The following RBBP5 variants were observed in gnomAD, a reference collection of about 807,000 sequenced individuals.
RBBP5 encodes retinoblastoma-binding protein 5.
In RBBP5, 5 loss-of-function variants were observed where a neutral mutation model predicts 72.2. The observed-to-expected ratio is 0.07, with a 90% CI of 0.04 to 0.15. The LOEUF is 0.15. RBBP5 is among the 10% of genes least tolerant of loss of function. The probability of loss-of-function intolerance (pLI) is 1.00; values close to 1 mark genes in which losing one functional copy is unlikely to be tolerated. For missense variants in RBBP5, 322 were observed against 652.2 expected (o/e 0.49, Z 5.51); for synonymous variants, 209 against 237.2 (o/e 0.88, Z 1.09).
At chr1:205,108,827 A>G (rs145310365) in intron 3 of RBBP5, among the ~76,000 whole-genome samples, 6 of 152,320 alleles carry the variant, frequency 3.9e-5, no homozygotes, top group Non-Finnish European at 7.4e-5. Flanking sequence ...TTCCTCATCT[A>G]TAACACAGGA....
chr1:205,120,420 G>C (rs1656692126), intron 1 of RBBP5, among the ~76,000 whole-genome samples: 1 of 152,186 alleles, frequency 6.6e-6, no homozygotes, highest in African/African-American at 2.4e-5. Flanking sequence ...ACCTGGCCAA[G>C]CAGGAAAATT....
At chr1:205,093,474 AAAAAAATATATATATATATATATAT>A (rs1655445558) in intron 13 of RBBP5, among the ~76,000 whole-genome samples, 1 of 8,578 alleles carries the variant, frequency 1.2e-4, no homozygotes, top group East Asian at 5.6e-3. Flanking sequence ...AAAAAAAAAA[AAAAAAATATATATATATATATATAT>A]ATATATATAT....
Position 205,100,063 on chromosome 1 carries a change from T to C in RBBP5, c.754A>G (p.Thr252Ala), listed in dbSNP as rs201601537. The part of the protein sequence containing the change: ...MQKLQDLVNR[T>A]PWKKCCFSGD... Reference sequence around the variant, plus strand: ...GAGAAACAACATTTCTTCCATGGGGTCCTAAAGGACAAGGAAAGTACCAAG... The same window carrying C: ...GAGAAACAACATTTCTTCCATGGGGCCCTAAAGGACAAGGAAAGTACCAAG... The change falls in exon 8 of 14, where the codon ACC (threonine) becomes GCC (alanine). Residue 252 changes from threonine to alanine, a missense_variant and splice_region_variant. By Grantham distance (58) the Thr-to-Ala change is moderately conservative. This residue lies in a region of RBBP5 where 161 missense variants were observed against 327.8 expected (regional missense o/e 0.49). Transcript: ENST00000264515. 6.2e-7 allele frequency: 1 copy of C among 1,613,360 alleles called. No homozygotes were observed.
In RBBP5 at chr1:205,086,623, C is replaced by A. The variant is rs967272966; in HGVS notation, c.*2164G>T. 6.6e-6 allele frequency: 1 copy of A among 151,810 alleles called. No individual in the cohort carries two copies. Among genetic ancestry groups the A allele is most frequent in the Admixed American group, 6.6e-5 (1 of 15,230 alleles). The allele number at this position is 151,810 out of a possible 1,614,324, so 9.4% of individuals were successfully genotyped here. On this transcript the variant is annotated 3_prime_UTR_variant, in exon 14 of 14. Coordinates refer to ENST00000264515, the MANE Select transcript of RBBP5 (RefSeq NM_005057.4). ...GAGAATATACATATATTGTACAAAT[C>A]AAATAATTCAAATTGAAATGGATAG...
intron 3 of RBBP5, among the ~76,000 whole-genome samples, chr1:205,108,111 T>G (rs995535120): frequency 1.3e-5 from 2 of 150,456 alleles, no homozygotes; most frequent in Non-Finnish European, 3.0e-5. Context: ...GGTGTGGTAG[T>G]GCACGCCTGT....
intron 1 of RBBP5, among the ~76,000 whole-genome samples, chr1:205,118,265 C>G (rs1656605099): frequency 6.6e-6 from 1 of 152,122 alleles, no homozygotes; most frequent in Admixed American, 6.5e-5. Context: ...AAGACGCAAT[C>G]CACCATAAAT....
chr1:205,118,240 T>C (rs1656603604), intron 1 of RBBP5, among the ~76,000 whole-genome samples: 1 of 152,202 alleles, frequency 6.6e-6, no homozygotes, highest in African/African-American at 2.4e-5. Flanking sequence ...CTTATTTCAA[T>C]GTTTTTCAAA....
intron 1 of RBBP5, among the ~76,000 whole-genome samples, chr1:205,118,892 T>C (rs981850670): frequency 6.6e-6 from 1 of 152,222 alleles, no homozygotes; most frequent in Non-Finnish European, 1.5e-5. Context: ...TATGAGCCAC[T>C]TGTCTAACCA....
intron 3 of RBBP5, 23 bp downstream of exon 3, chr1:205,114,766 A>G (rs1656458012): frequency 6.7e-7 from 1 of 1,485,796 alleles, no homozygotes; most frequent in Non-Finnish European, 9.0e-7. Context: ...TCATATTTAA[A>G]TATTAATTAA....
chr1:205,120,276 A>G (rs1656685564), intron 1 of RBBP5, among the ~76,000 whole-genome samples: 2 of 152,126 alleles, frequency 1.3e-5, no homozygotes, highest in South Asian at 4.1e-4. Context: ...GCTCTGATTG[A>G]GTTACTAAGT....
intron 1 of RBBP5, among the ~76,000 whole-genome samples, chr1:205,120,312 A>G (rs534459171): frequency 6.6e-6 from 1 of 152,150 alleles, no homozygotes; most frequent in South Asian, 2.1e-4. Context: ...GATCTACCCT[A>G]CCTTCCCTAA....
intron 1 of RBBP5, among the ~76,000 whole-genome samples, chr1:205,117,797 C>CAT (rs763615482): frequency 4.8e-4 from 73 of 151,682 alleles, no homozygotes; most frequent in African/African-American, 1.3e-3. Context: ...TGTATCTGTA[C>CAT]ATATATATAT....
At chr1:205,097,278 G>T in intron 11 of RBBP5, 48 bp downstream of exon 11, 1 of 1,521,034 alleles carries the variant, frequency 6.6e-7, no homozygotes, top group Non-Finnish European at 8.9e-7. Flanking sequence ...TCCCCCAGAG[G>T]CCAGGAGCAG....
At chr1:205,121,719 T>A in intron 1 of RBBP5, 136 bp downstream of exon 1, 1 of 1,407,676 alleles carries the variant, frequency 7.1e-7, no homozygotes, top group East Asian at 2.3e-5. Context: ...CTCCCGCTGC[T>A]GCTCCACATC....
chr1:205,118,198 C>T (rs1196791995), intron 1 of RBBP5, among the ~76,000 whole-genome samples: 1 of 152,174 alleles, frequency 6.6e-6, no homozygotes, highest in Non-Finnish European at 1.5e-5. Context: ...TGTCTCTCCT[C>T]TTAGCTCTAT....
At chr1:205,095,596 A>G (rs534664172) in intron 12 of RBBP5, among the ~76,000 whole-genome samples, 40 of 152,328 alleles carry the variant, frequency 2.6e-4, no homozygotes, top group African/African-American at 9.6e-4. Flanking sequence ...ACACAGATGC[A>G]CACACACATA....
At chr1:205,102,356 A>G (rs1655865275) in intron 5 of RBBP5, among the ~76,000 whole-genome samples, 2 of 152,194 alleles carry the variant, frequency 1.3e-5, no homozygotes, top group South Asian at 4.1e-4. Flanking sequence ...GACACATGCT[A>G]CACACATGGG....
At chr1:205,090,036 T>C (rs1176276751) in intron 13 of RBBP5, among the ~76,000 whole-genome samples, 2 of 152,168 alleles carry the variant, frequency 1.3e-5, no homozygotes, top group African/African-American at 4.8e-5. Flanking sequence ...GTATTTTTAA[T>C]AGAGACGGGG....
At chr1:205,115,618 T>C (rs1287891828) in intron 2 of RBBP5, among the ~76,000 whole-genome samples, 1 of 152,244 alleles carries the variant, frequency 6.6e-6, no homozygotes, top group Non-Finnish European at 1.5e-5. Context: ...ATGAAAGTTT[T>C]TCTTTTATTT....
Sources: allele counts gnomAD v4.1 joint callset (sites outside exome capture counted in the v4.1 genomes callset), GRCh38; gene constraint gnomAD v4.1.1; regional missense constraint gnomAD v4.1.1; transcripts MANE v1.5; gene names NCBI Gene and HGNC (gene_info 2026-07-23, HGNC 2026-07-21).